Variants in PCNX3 observed in about 807,000 individuals in gnomAD.
The protein encoded by PCNX3 is pecanex 3.
In PCNX3, 58 loss-of-function variants were observed where a neutral mutation model predicts 207.2. The observed-to-expected ratio is 0.28, with a 90% confidence interval of 0.23 to 0.35. The LOEUF is 0.35. Among genes scored for constraint, PCNX3 ranks in the 10% least tolerant of loss-of-function variants. PCNX3 has a pLI of 1.00. For synonymous variants in PCNX3, 1,337 were observed against 1,183.5 expected (o/e 1.13, Z -2.66); for missense variants, 2,410 against 2,774.4 (o/e 0.87, Z 2.95).
At chr11:65,628,980 G>C in intron 24 of PCNX3, 32 bp downstream of exon 24, 3 of 1,606,872 alleles carry the variant, frequency 1.9e-6, no homozygotes, top group Non-Finnish European at 2.5e-6. Context: ...AGCATGCCCA[G>C]CAGGGCAGGA....
At chr11:65,616,547 G>A in intron 1 of PCNX3, 83 bp downstream of exon 1, 1 of 1,434,158 alleles carries the variant, frequency 7.0e-7, no homozygotes, top group East Asian at 2.3e-5. Flanking sequence ...CCTGGGCTCT[G>A]GGACGTGGAG....
At chr11:65,624,706 T>A in intron 15 of PCNX3, 125 bp downstream of exon 15, 1 of 1,004,534 alleles carries the variant, frequency 1.0e-6, no homozygotes, top group Non-Finnish European at 1.5e-6. Context: ...ACTCAAGGTT[T>A]CTGCCTTCTC....
chr11:65,616,299 C>A lies in PCNX3; in HGVS notation c.-13C>A. 3 of 1,562,062 alleles carry A rather than the reference C, an allele frequency of 1.9e-6. No homozygotes were observed. Among genetic ancestry groups the A allele is most frequent in the Non-Finnish European group, 2.6e-6 (3 of 1,161,246 alleles). ...GTCCCGGGAGGGGGGGCGCGGGCAG[C>A]AGCGGCGGGGCCATGGGGTCGCAGG... On this transcript the variant is annotated 5_prime_UTR_variant, in exon 1 of 35. Transcript: ENST00000355703.
rs911860815 is a variant in PCNX3 at position 65,617,692 on chromosome 11, C to T, written c.563C>T (p.Ser188Leu). 4.5e-6 allele frequency: 7 copies of T among 1,568,730 alleles called. No individual in the cohort carries two copies. Among genetic ancestry groups the T allele is most frequent in the African/African-American group, 4.1e-5 (3 of 73,862 alleles). ...GACCGAGAGATGCTGAAGCTCAGCT[C>T]GCAGGAGAAACTGAGTGCGTGGGCC... ...SADREMLKLS[S>L]QEKLIGDLPQ... The change falls in exon 5 of 35, where the codon TCG (serine) becomes TTG (leucine). Residue 188 changes from serine (S) to leucine (L), a missense_variant. Physicochemically the swap from Ser to Leu is moderately radical, Grantham distance 145. Transcript: ENST00000355703.
rs569365047 is a variant in PCNX3 at position 65,618,017 on chromosome 11, C to A, written c.655C>A (p.Pro219Thr). Reference protein sequence around the residue: ...LASTDSSEPSPLAGDGAPWSG... With the variant: ...LASTDSSEPSTLAGDGAPWSG... Reference sequence around the variant, plus strand: ...CAGTACAGACTCTTCAGAGCCTTCTCCCCTGGCTGGAGATGGAGCGCCCTG... The same window carrying A: ...CAGTACAGACTCTTCAGAGCCTTCTACCCTGGCTGGAGATGGAGCGCCCTG... Residue 219 changes from proline to threonine, a missense_variant, in exon 6 of 35, where the codon CCC becomes ACC. Physicochemically the swap from Pro to Thr is conservative, Grantham distance 38 (BLOSUM62 -1). Transcript: ENST00000355703. The A allele has an allele frequency of 7.5e-6, 12 of 1,609,884 alleles. No homozygotes were observed. The East Asian group carries it at 2.0e-4, about 27-fold the overall frequency.
Position 65,635,924 on chromosome 11 carries a change from C to T in PCNX3, c.5459+121C>T. 1.4e-6 allele frequency: 2 copies of T among 1,379,576 alleles called. No individual in the cohort carries two copies. Among genetic ancestry groups the T allele is most frequent in the Non-Finnish European group, 1.9e-6 (2 of 1,035,972 alleles). The allele number at this position is 1,379,576 out of a possible 1,614,324, so 85.5% of individuals were successfully genotyped here. On this transcript the variant is annotated intron_variant, in intron 32 of 34. Coordinates refer to ENST00000355703, the MANE Select transcript of PCNX3 (RefSeq NM_032223.4). This position sits in a 1 kb window ranked among gnomAD's most constrained non-coding sequence, Gnocchi z 9.9. ...GGCTTGAATCCCGAGAGATGACCCC[C>T]TCCCAGAGCTGACCTGCCCCTCCTA...
Position 65,627,098 on chromosome 11 carries a change from A to G in PCNX3, c.3524+50A>G, listed in dbSNP as rs965495114. 4.8e-6 allele frequency: 7 copies of G among 1,455,760 alleles called. No individual in the cohort carries two copies. The African/African-American group carries it at 8.6e-5, about 18-fold the overall frequency. The allele number at this position is 1,455,760 out of a possible 1,614,324, so 90.2% of individuals were successfully genotyped here. On this transcript the variant is annotated intron_variant, in intron 21 of 34. Transcript: ENST00000355703. ...ATCCCATCATCCGCTTTCCCTTTTG[A>G]TCCGTGGGGAAACTGAGGCCTAGAG... is the stretch of plus-strand genomic sequence containing the variant.
At chr11:65,624,038 T>A (rs1654522640) in intron 13 of PCNX3, 77 bp downstream of exon 13, 1 of 1,593,858 alleles carries the variant, frequency 6.3e-7, no homozygotes, top group Non-Finnish European at 8.5e-7. Flanking sequence ...GAGGGTAGGG[T>A]ATGGAGGGCT....
At chr11:65,630,241 C>T in intron 26 of PCNX3, 110 bp from the exon 27 acceptor site, 1 of 1,442,854 alleles carries the variant, frequency 6.9e-7, no homozygotes, top group South Asian at 1.4e-5. Flanking sequence ...CCCCTGGCGT[C>T]CAAGGGGGTG....
rs200124788 is a variant in PCNX3, at chr11:65,616,419, C to T, written c.108C>T (p.Leu36=). 5.4e-4 allele frequency: 863 copies of T among 1,610,444 alleles called. 5 individuals carry two copies. In the African/African-American group the frequency reaches 0.01, roughly 19 times the overall value. The change falls in exon 1 of 35, where the codon CTC becomes CTT. Residue 36 remains leucine, a synonymous_variant. Transcript: ENST00000355703. ...GCACCTTCTCCAACTGCTTCCACCT[C>T]TATGTCTGGATCTTCCTGCTCATCT... ...HQSTFSNCFH[L]YVWIFLLIFP... is the part of the protein sequence containing the mutation.
At chr11:65,633,829 A>T (rs191777708) in intron 27 of PCNX3, among the ~76,000 whole-genome samples, 7 of 152,340 alleles carry the variant, frequency 4.6e-5, no homozygotes, top group Admixed American at 4.6e-4. Context: ...TTTCTCATAC[A>T]AACGGGGCAT....
Position 65,635,696 on chromosome 11 carries a change from G to A in PCNX3, c.5352G>A (p.Ser1784=), listed in dbSNP as rs745610565. Residue 1784 remains serine, a synonymous_variant, in exon 32 of 35, where the codon TCG becomes TCA. Coordinates refer to ENST00000355703, the MANE Select transcript of PCNX3 (RefSeq NM_032223.4). The surrounding 1 kb of genome is among the most constrained non-coding windows in gnomAD (Gnocchi z 9.9). ...DQPLGYPIYV[S]PLTTSLAGSH... ...CGCTGGGCTACCCCATCTACGTGTC[G>A]CCTCTCACCACCTCGCTGGCTGGCA... The A allele has an allele frequency of 1.2e-5, 19 of 1,611,008 alleles. No homozygotes were observed. The highest frequency in any genetic ancestry group is 3.3e-5 in the Admixed American group (2 of 59,712).
At position 65,620,548 on chromosome 11, in the gene PCNX3, TG is replaced by T. The variant is rs1238124684; in HGVS notation, c.2099+120del. ...GGCTTGGGCAGGGGCAGCTCAGATCTGCAGGGAGAGGATGGGGAGCAGCAAA... is the reference window on the plus strand; with the variant it reads ...GGCTTGGGCAGGGGCAGCTCAGATCTCAGGGAGAGGATGGGGAGCAGCAAA... On this transcript the variant is annotated intron_variant, in intron 9 of 34. Transcript: ENST00000355703. The T allele has an allele frequency of 2.6e-6, 3 of 1,145,694 alleles. No homozygotes were observed. In the African/African-American group the frequency reaches 4.6e-5, roughly 18 times the overall value. 71.0% of individuals were successfully genotyped at this position (1,145,694 alleles called of 1,614,324 possible). A position where few individuals can be genotyped will look rare whatever the true frequency, so the allele number is the denominator to read the frequency against.
intron 27 of PCNX3, 92 bp downstream of exon 27, chr11:65,630,696 G>T (rs940975753): frequency 3.3e-6 from 5 of 1,495,196 alleles, no homozygotes; most frequent in Non-Finnish European, 4.5e-6. Flanking sequence ...GGGTTGTTGG[G>T]AGCCTGTTTT....
Position 65,616,472 on chromosome 11 carries a change from G to C in PCNX3, c.153+8G>C. On this transcript the variant is annotated splice_region_variant and intron_variant, in intron 1 of 34. Transcript: ENST00000355703. Reference sequence around the variant, plus strand: ...CCCTTCTTACTGTACATGGTGAGACGCCACGGCCACCTGTAACTCCAGCCG... The same window carrying C: ...CCCTTCTTACTGTACATGGTGAGACCCCACGGCCACCTGTAACTCCAGCCG... 1.3e-6 allele frequency: 2 copies of C among 1,598,412 alleles called. No homozygotes were observed. The highest frequency in any genetic ancestry group is 1.7e-6 in the Non-Finnish European group (2 of 1,175,316).
chr11:65,617,906 T>G, intron 5 of PCNX3, 34 bp from the exon 6 acceptor site: 3 of 1,544,274 alleles, frequency 1.9e-6, no homozygotes, highest in Non-Finnish European at 1.7e-6. Flanking sequence ...CAGAAAACCC[T>G]TTTTTCATTT....
chr11:65,634,427 A>G, intron 28 of PCNX3, 71 bp downstream of exon 28: 1 of 1,509,328 alleles, frequency 6.6e-7, no homozygotes, highest in South Asian at 1.2e-5. Flanking sequence ...CCTTCTCCCC[A>G]TTTGGTTTCC....
intron 7 of PCNX3, 34 bp downstream of exon 7, chr11:65,619,694 G>C (rs905148302): frequency 6.4e-7 from 1 of 1,572,974 alleles, no homozygotes; most frequent in South Asian, 1.1e-5. Flanking sequence ...GAGGGGCACC[G>C]GGGGCCGGGG....
chr11:65,619,036 G>A lies in PCNX3; in HGVS notation c.1674G>A (p.Gly558=). The A allele has an allele frequency of 6.3e-7, 1 of 1,592,980 alleles. No individual in the cohort carries two copies. The highest frequency in any genetic ancestry group is 8.5e-7 in the Non-Finnish European group (1 of 1,177,442). ...GPAANQPGWR[G]ELQEEGAVGG... ...CTGCCAACCAGCCCGGCTGGCGGGGGGAGCTGCAGGAGGAAGGTGCTGTGG... is the reference window on the plus strand; with the variant it reads ...CTGCCAACCAGCCCGGCTGGCGGGGAGAGCTGCAGGAGGAAGGTGCTGTGG... Residue 558 remains glycine (G), a synonymous_variant, in exon 6 of 35, where the codon GGG becomes GGA. Coordinates refer to ENST00000355703, the MANE Select transcript of PCNX3 (RefSeq NM_032223.4).
Sources: gnomAD v4.1 joint callset for allele counts (sites outside exome capture counted in the v4.1 genomes callset) on GRCh38, gnomAD v4.1.1 for gene constraint, Gnocchi (gnomAD v3.1) non-coding constraint, MANE v1.5 for transcripts, NCBI Gene and HGNC (gene_info 2026-07-23, HGNC 2026-07-21) for gene names.